SRGAP3: variants seen among roughly 807,000 people sequenced by gnomAD.
SRGAP3 encodes SLIT-ROBO Rho GTPase activating protein 3.
Under a neutral mutation model 121.1 loss-of-function variants are expected in SRGAP3, and 39 were observed. The observed-to-expected ratio is 0.32, with a 90% CI of 0.25 to 0.42. The LOEUF is 0.42. Among genes scored for constraint, SRGAP3 ranks in the 10% least tolerant of loss-of-function variants. The pLI, the probability that SRGAP3 is intolerant of heterozygous loss-of-function variation, is 1.00. For missense variants in SRGAP3, 1,213 were observed against 1,470.6 expected, an observed-to-expected ratio of 0.82 and a Z score of 2.86; for synonymous variants, 601 against 570.0, an observed-to-expected ratio of 1.05 and a Z score of -0.77.
intron 3 of SRGAP3, among the ~76,000 whole-genome samples, chr3:9,286,752 G>A (rs111505114): frequency 0.067 from 10,010 of 149,176 alleles, 1,159 homozygotes; most frequent in African/African-American, 0.23. Context: ...ACAGGCGCCC[G>A]CCACCACACC....
At chr3:9,228,341 A>G (rs1024182783) in intron 1 of SRGAP3, among the ~76,000 whole-genome samples, 2 of 152,238 alleles carry the variant, frequency 1.3e-5, no homozygotes, top group African/African-American at 4.8e-5. Context: ...AAATGCAGAT[A>G]TTTAAATGAA....
At chr3:9,141,551 GGGGTGTGTGTGTGTGTGTGT>G (rs1368383422) in intron 1 of SRGAP3, among the ~76,000 whole-genome samples, 8 of 117,626 alleles carry the variant, frequency 6.8e-5, no homozygotes, top group African/African-American at 2.4e-4. Context: ...TCTGACTTCA[GGGGTGTGTGTGTGTGTGTGT>G]GTGTGTGTGT....
rs141667380 is a variant in SRGAP3 at position 9,320,627 on chromosome 3, C to A, written n.442+5383G>T. ...CCTGTACAGCCTGCAGAACCATGAG[C>A]CAATTAAACCTCTTTTATTTACAAA... On this transcript the variant is annotated intron_variant and non_coding_transcript_variant, in intron 3 of 3. Transcript: ENST00000490889. 7.4e-3 allele frequency among the ~76,000 whole-genome samples: 1,130 copies of A among 151,970 alleles called. 14 individuals are homozygous for A. Among genetic ancestry groups the A allele is most frequent in the African/African-American group, 0.024 (978 of 41,528 alleles).
intron 9 of SRGAP3, among the ~76,000 whole-genome samples, chr3:9,052,708 T>C (rs1419859746): frequency 6.6e-6 from 1 of 152,232 alleles, no homozygotes; most frequent in East Asian, 1.9e-4. Flanking sequence ...TTCAAGGTTG[T>C]TCCTTGGGAC....
rs575808277 is a variant in SRGAP3, at chr3:9,313,918, C to T, written n.442+12092G>A. Among the ~76,000 whole-genome samples, 18 of 150,540 alleles carry T rather than the reference C, an allele frequency of 1.2e-4. No individual in the cohort carries two copies. In the South Asian group the frequency reaches 3.6e-3, roughly 30 times the overall value. On this transcript the variant is annotated intron_variant and non_coding_transcript_variant, in intron 3 of 3. Transcript: ENST00000490889. ...TTGAGGTGGGAGAATCGCTTGAACC[C>T]GGAGGCAGAGGTTGCAGTGAGCCGA...
chr3:9,306,400 A>G (rs1200622766), intron 3 of SRGAP3, among the ~76,000 whole-genome samples: 1 of 152,184 alleles, frequency 6.6e-6, no homozygotes, highest in Non-Finnish European at 1.5e-5. Context: ...TTTGCCATGC[A>G]GAAGCTCTTT....
At chr3:9,220,682 C>T (rs1419766613) in intron 1 of SRGAP3, among the ~76,000 whole-genome samples, 1 of 152,174 alleles carries the variant, frequency 6.6e-6, no homozygotes, top group Non-Finnish European at 1.5e-5. Context: ...AAATCTCAGG[C>T]ACTATCATTC....
chr3:9,329,114 C>T (rs956826605), intron 2 of SRGAP3, among the ~76,000 whole-genome samples: 2 of 152,116 alleles, frequency 1.3e-5, no homozygotes, highest in African/African-American at 2.4e-5. Flanking sequence ...TAAGGTACTC[C>T]GCGACACAGA....
intron 3 of SRGAP3, among the ~76,000 whole-genome samples, chr3:9,273,779 G>T (rs1954524056): frequency 6.7e-6 from 1 of 149,000 alleles, no homozygotes; most frequent in African/African-American, 2.6e-5. Context: ...GTAAGGTAAG[G>T]GTTCAACTTC....
intron 1 of SRGAP3, among the ~76,000 whole-genome samples, chr3:9,200,424 C>T (rs551000010): frequency 1.3e-5 from 2 of 152,238 alleles, no homozygotes; most frequent in African/African-American, 4.8e-5. Context: ...ATGAAAAAGA[C>T]AAGCTCCCAG....
chr3:9,151,303 C>T (rs1575150329), intron 1 of SRGAP3, among the ~76,000 whole-genome samples: 1 of 152,182 alleles, frequency 6.6e-6, no homozygotes, highest in South Asian at 2.1e-4. Context: ...GGTGGGGAGC[C>T]CAGAACTTAC....
rs1157274388 is a variant in SRGAP3 at position 9,257,459 on chromosome 3, C to G, written n.442+68551G>C. The G allele has an allele frequency of 2.6e-5, 4 of 152,246 alleles. No homozygotes were observed. In the East Asian group the frequency reaches 7.7e-4, roughly 29 times the overall value. The allele number at this position is 152,246 out of a possible 1,614,324, so 9.4% of individuals were successfully genotyped here. ...TGCTGGCACCCTAATCTCAGATTTC[C>G]ACCCTCCAGAACTGTGAGAAAATAC... On this transcript the variant is annotated intron_variant and non_coding_transcript_variant, in intron 3 of 3. Transcript: ENST00000490889.
Position 9,228,866 on chromosome 3 carries a change from T to C in SRGAP3, c.67+20019A>G, listed in dbSNP as rs376862562. On this transcript the variant is annotated intron_variant, in intron 1 of 21. Transcript: ENST00000383836. ...TCATGAGGTCAGGAGATCGAGACCA[T>C]CCTGGCTAACATGGTGAAACCCCGT... Among the ~76,000 whole-genome samples the C allele has an allele frequency of 4.8e-3, 731 of 151,166 alleles. 1 individual carries two copies. Among genetic ancestry groups the C allele is most frequent in the Non-Finnish European group, 7.2e-3 (488 of 67,778 alleles).
At chr3:9,135,527 G>A (rs966132565) in intron 1 of SRGAP3, among the ~76,000 whole-genome samples, 5 of 152,238 alleles carry the variant, frequency 3.3e-5, no homozygotes, top group Admixed American at 1.3e-4. Context: ...ACCCAGCAGA[G>A]CCTGGACTCT....
intron 3 of SRGAP3, among the ~76,000 whole-genome samples, chr3:9,258,190 T>C (rs1028736482): frequency 1.3e-5 from 2 of 152,152 alleles, no homozygotes; most frequent in African/African-American, 2.4e-5. Flanking sequence ...TAAGGGCACT[T>C]GACCTAGACT....
At chr3:9,020,534 A>G (rs1300012320) in intron 14 of SRGAP3, among the ~76,000 whole-genome samples, 1 of 152,122 alleles carries the variant, frequency 6.6e-6, no homozygotes, top group African/African-American at 2.4e-5. Context: ...ACACATGGAT[A>G]TTTTCCTCCA....
At chr3:9,001,248 C>T (rs1240825916) in intron 18 of SRGAP3, among the ~76,000 whole-genome samples, 1 of 152,180 alleles carries the variant, frequency 6.6e-6, no homozygotes, top group African/African-American at 2.4e-5. Flanking sequence ...TGAATGTTCA[C>T]ACCACAAAGA....
chr3:8,986,014 G>T, intron 21 of SRGAP3, 82 bp from the exon 22 acceptor site: 1 of 1,592,304 alleles, frequency 6.3e-7, no homozygotes, highest in Non-Finnish European at 8.5e-7. Flanking sequence ...GCTTCCCTTC[G>T]TAGGCAGGTT....
chr3:9,047,484 C>T lies in SRGAP3; in HGVS notation c.1324-9G>A. ...ACATACTCTTTAAATTTCTGTAAGA[C>T]ACAAGGCACAAGGAAGTTATAGATT... On this transcript the variant is annotated splice_polypyrimidine_tract_variant and intron_variant, in intron 9 of 21. Coordinates refer to ENST00000383836, the MANE Select transcript of SRGAP3 (RefSeq NM_014850.4). The T allele has an allele frequency of 6.2e-7, 1 of 1,613,840 alleles. No homozygotes were observed. The highest frequency in any genetic ancestry group is 8.5e-7 in the Non-Finnish European group (1 of 1,179,782).
Sources: allele counts gnomAD v4.1 joint callset (sites outside exome capture counted in the v4.1 genomes callset), GRCh38; gene constraint gnomAD v4.1.1; transcripts MANE v1.5; gene names NCBI Gene and HGNC (gene_info 2026-07-23, HGNC 2026-07-21).